SPOCK1: variants seen among roughly 807,000 people sequenced by gnomAD.
SPOCK1 encodes testican-1.
Under a neutral mutation model 55.3 loss-of-function variants are expected in SPOCK1, and 23 were observed. That is an observed-to-expected ratio of 0.42 (90% CI 0.30 to 0.59). The LOEUF is 0.59. Among genes scored for constraint, SPOCK1 ranks in the 20% least tolerant of loss-of-function variants. SPOCK1 has a pLI of 0.22. For missense variants in SPOCK1, 499 were observed against 552.5 expected (o/e 0.90, Z 0.97); for synonymous variants, 226 against 221.0 (o/e 1.02, Z -0.20).
At chr5:137,213,861 G>A (rs568967310) in intron 3 of SPOCK1, among the ~76,000 whole-genome samples, 1 of 152,268 alleles carries the variant, frequency 6.6e-6, no homozygotes, top group South Asian at 2.1e-4. Context: ...TCTTGCCCTG[G>A]TCTCATCATT....
chr5:137,150,067 A>G (rs1385911305), intron 3 of SPOCK1, among the ~76,000 whole-genome samples: 1 of 152,174 alleles, frequency 6.6e-6, no homozygotes, highest in African/African-American at 2.4e-5. Context: ...AATACAGAAA[A>G]TGGATGTCCA....
intron 6 of SPOCK1, among the ~76,000 whole-genome samples, chr5:137,028,257 T>C (rs893935677): frequency 7.2e-5 from 11 of 151,776 alleles, no homozygotes; most frequent in African/African-American, 2.7e-4. Flanking sequence ...TGAAACAGAG[T>C]AGAAAAGTCA....
At chr5:137,338,787 T>A (rs1020831886) in intron 2 of SPOCK1, among the ~76,000 whole-genome samples, 2 of 152,228 alleles carry the variant, frequency 1.3e-5, no homozygotes, top group Non-Finnish European at 2.9e-5. Flanking sequence ...GAGCATTTTT[T>A]CATGTGTTTT....
chr5:137,386,131 T>C (rs1336335344), intron 2 of SPOCK1, among the ~76,000 whole-genome samples: 3 of 152,206 alleles, frequency 2.0e-5, no homozygotes, highest in Non-Finnish European at 4.4e-5. Context: ...ATCATTTATA[T>C]TAGCACCCAA....
In SPOCK1 at chr5:137,498,467, G is replaced by C. The variant is rs774520558; in HGVS notation, c.92C>G (p.Ala31Gly). Residue 31 changes from alanine to glycine, a missense_variant, in exon 2 of 11, where the codon GCG becomes GGG. By Grantham distance (60) the Ala-to-Gly change is moderately conservative. This residue lies in a region of SPOCK1 where 386 missense variants were observed against 400.6 expected (regional missense o/e 0.96). Transcript: ENST00000394945. ...TAGGAAATTGCCGTGGTTGGGGCCC[G>C]CGCCTCCGGCGAGCGCGTCCAGGTG... The part of the protein sequence containing the change: ...SRHLDALAGG[A>G]GPNHGNFLDN... 27 of 1,606,084 alleles carry C rather than the reference G, an allele frequency of 1.7e-5. No homozygotes were observed. Among genetic ancestry groups the C allele is most frequent in the Non-Finnish European group, 2.3e-5 (27 of 1,177,724 alleles).
chr5:137,280,448 G>A (rs1757148970), intron 2 of SPOCK1, among the ~76,000 whole-genome samples: 1 of 152,192 alleles, frequency 6.6e-6, no homozygotes, highest in South Asian at 2.1e-4. Flanking sequence ...GCAATTTTCA[G>A]ACTAGCAAGG....
intron 3 of SPOCK1, among the ~76,000 whole-genome samples, chr5:137,148,283 G>A (rs995694603): frequency 6.6e-6 from 1 of 152,188 alleles, no homozygotes; most frequent in African/African-American, 2.4e-5. Context: ...CACATGCAAA[G>A]CAAGACATTA....
At chr5:137,142,029 G>A (rs762359347) in intron 3 of SPOCK1, among the ~76,000 whole-genome samples, 3 of 152,190 alleles carry the variant, frequency 2.0e-5, no homozygotes, top group Non-Finnish European at 4.4e-5. Flanking sequence ...CAAAACAAAA[G>A]CAATTGTGCC....
chr5:137,081,039 T>C (rs551311927), intron 5 of SPOCK1, among the ~76,000 whole-genome samples: 1 of 152,318 alleles, frequency 6.6e-6, no homozygotes, highest in South Asian at 2.1e-4. Flanking sequence ...AATCAACAGC[T>C]CCTCTGTTCT....
chr5:137,065,462 T>C (rs917000283), intron 6 of SPOCK1, among the ~76,000 whole-genome samples: 2 of 152,140 alleles, frequency 1.3e-5, no homozygotes, highest in Non-Finnish European at 1.5e-5. Context: ...TCGTACCAAG[T>C]TTGAACTACT....
Position 137,079,533 on chromosome 5 carries a change from T to TCC in SPOCK1, c.475-11706_475-11705dup, listed in dbSNP as rs59775905. Among the ~76,000 whole-genome samples the TCC allele has an allele frequency of 5.4e-3, 207 of 38,622 alleles. 3 individuals carry two copies. The highest frequency in any genetic ancestry group is 0.02 in the Middle Eastern group (1 of 50). 25.3% of individuals were successfully genotyped at this position (38,622 alleles called of 152,430 possible). A position where few individuals can be genotyped will look rare whatever the true frequency, so the allele number is the denominator to read the frequency against. On this transcript the variant is annotated intron_variant, in intron 5 of 10. Transcript: ENST00000394945. ...TGTCTCTCCTACCATCCCATCTGATTCCCCCCCCCCCCGACTTAGTGAAAT... is the reference window on the plus strand; with the variant it reads ...TGTCTCTCCTACCATCCCATCTGATTCCCCCCCCCCCCCCGACTTAGTGAAAT...
intron 2 of SPOCK1, among the ~76,000 whole-genome samples, chr5:137,495,213 A>G (rs1754273675): frequency 6.6e-6 from 1 of 152,226 alleles, no homozygotes; most frequent in Non-Finnish European, 1.5e-5. Flanking sequence ...TCTAAAAAGA[A>G]GGGGATAGGA....
chr5:137,287,766 AG>A (rs370317317), intron 2 of SPOCK1, among the ~76,000 whole-genome samples: 1 of 152,338 alleles, frequency 6.6e-6, no homozygotes, highest in East Asian at 1.9e-4. Flanking sequence ...GGTTCAGGCT[AG>A]GGCAATCATT....
intron 2 of SPOCK1, among the ~76,000 whole-genome samples, chr5:137,446,325 A>G (rs1462581446): frequency 6.6e-6 from 1 of 152,228 alleles, no homozygotes; most frequent in African/African-American, 2.4e-5. Context: ...CAACTAATCA[A>G]TGCAGCTGCA....
intron 2 of SPOCK1, among the ~76,000 whole-genome samples, chr5:137,492,764 G>A (rs1201560990): frequency 6.6e-6 from 1 of 152,220 alleles, no homozygotes; most frequent in Admixed American, 6.5e-5. Flanking sequence ...CTGCTCAGTT[G>A]CTTGGACCAT....
At chr5:137,211,799 G>A (rs997852558) in intron 3 of SPOCK1, among the ~76,000 whole-genome samples, 2 of 152,130 alleles carry the variant, frequency 1.3e-5, no homozygotes, top group African/African-American at 4.8e-5. Context: ...CAAAAGCAGG[G>A]TTCAGAGAAC....
chr5:137,140,721 G>T (rs1444773815), intron 3 of SPOCK1, 27 bp from the exon 4 acceptor site: 1 of 1,370,208 alleles, frequency 7.3e-7, no homozygotes, highest in Admixed American at 2.1e-5. Flanking sequence ...AAGGAGGGCA[G>T]GGTTTAGGAC....
intron 6 of SPOCK1, among the ~76,000 whole-genome samples, chr5:137,030,828 C>G (rs995695053): frequency 5.9e-5 from 9 of 152,154 alleles, no homozygotes; most frequent in Non-Finnish European, 1.2e-4. Context: ...AAAAAGTCAA[C>G]TTAAACCTGG....
intron 6 of SPOCK1, among the ~76,000 whole-genome samples, chr5:137,062,158 G>A (rs1406347860): frequency 6.6e-6 from 1 of 152,154 alleles, no homozygotes; most frequent in African/African-American, 2.4e-5. Flanking sequence ...GAGATCTGAG[G>A]CCCCACCCAT....
Sources: gnomAD v4.1 joint callset for allele counts (sites outside exome capture counted in the v4.1 genomes callset) on GRCh38, gnomAD v4.1.1 for gene constraint, gnomAD v4.1.1 regional missense constraint, MANE v1.5 for transcripts, NCBI Gene and HGNC (gene_info 2026-07-23, HGNC 2026-07-21) for gene names.